ERCC8: variants seen among roughly 807,000 people sequenced by gnomAD.
ERCC8 encodes the protein DNA excision repair protein ERCC-8.
ERCC8 carries 52 observed loss-of-function variants against 54.9 expected under a neutral mutation model. That is an observed-to-expected ratio of 0.95 (90% confidence interval 0.76 to 1.19). The LOEUF (loss-of-function observed/expected upper bound fraction) is 1.19, where lower values mean the gene tolerates loss of function less well. Ranked by LOEUF, ERCC8 falls within the 50% of genes most tolerant of loss-of-function variation. The pLI is 0.00. For missense variants in ERCC8, 514 were observed against 466.1 expected (o/e 1.10, Z -0.95); for synonymous variants, 146 against 157.2 (o/e 0.93, Z 0.53).
At chr5:60,912,942 C>T (rs1293566997) in intron 4 of ERCC8, among the ~76,000 whole-genome samples, 1 of 152,062 alleles carries the variant, frequency 6.6e-6, no homozygotes, top group African/African-American at 2.4e-5. Context: ...GGGATGAAGC[C>T]CACTTGATCA....
At chr5:60,892,183 C>T (rs1748582102) in intron 9 of ERCC8, 1 of 525,352 alleles carries the variant, frequency 1.9e-6, no homozygotes, top group Admixed American at 2.0e-5. Context: ...TAGCCCACCC[C>T]ATCTGATGAC....
chr5:60,938,008 CGTGT>C (rs1182798613), intron 1 of ERCC8, among the ~76,000 whole-genome samples: 2 of 124,058 alleles, frequency 1.6e-5, no homozygotes, highest in African/African-American at 3.1e-5. Flanking sequence ...AATATGTATG[CGTGT>C]GTGTGTGTGT....
intron 7 of ERCC8, 41 bp from the exon 8 acceptor site, chr5:60,899,768 A>G: frequency 7.1e-7 from 1 of 1,412,964 alleles, no homozygotes; most frequent in Non-Finnish European, 1.0e-6. Flanking sequence ...TGTAGCTAGG[A>G]CAATGACTGT....
chr5:60,925,976 A>C (rs1749736939), intron 2 of ERCC8, among the ~76,000 whole-genome samples: 7 of 152,060 alleles, frequency 4.6e-5, no homozygotes, highest in Admixed American at 3.9e-4. Flanking sequence ...GGCACGCGCC[A>C]CTGCACCTGG....
chr5:60,909,471 C>T (rs975691709), intron 4 of ERCC8, among the ~76,000 whole-genome samples: 2 of 152,008 alleles, frequency 1.3e-5, no homozygotes, highest in African/African-American at 2.4e-5. Flanking sequence ...ACACCTTTTG[C>T]TACCCTAGAG....
chr5:60,935,799 C>T (rs1341301462), intron 1 of ERCC8, among the ~76,000 whole-genome samples: 3 of 151,726 alleles, frequency 2.0e-5, no homozygotes, highest in African/African-American at 7.3e-5. Flanking sequence ...AGATAATCAT[C>T]TGATTTTTGT....
intron 9 of ERCC8, chr5:60,893,008 A>G: frequency 1.3e-6 from 1 of 778,610 alleles, no homozygotes; most frequent in Non-Finnish European, 2.4e-6. Flanking sequence ...CTGGCCTTGA[A>G]AGCCACAGTT....
rs2112522829 is a variant in ERCC8, at chr5:60,922,053, C to A, written c.275+1G>T. 6.3e-7 allele frequency: 1 copy of A among 1,588,870 alleles called. No homozygotes were observed. The highest frequency in any genetic ancestry group is 1.1e-5 in the South Asian group (1 of 89,134). ...TAAATTTTTACATTTTAAATACATA[C>A]CTGCCAATGGAACACACTGCTTTAC... On this transcript the variant is annotated splice_donor_variant, in intron 3 of 11. Transcript: ENST00000676185. LOFTEE classifies it high-confidence loss of function.
chr5:60,887,073 A>T (rs1041137354), intron 11 of ERCC8, among the ~76,000 whole-genome samples: 1 of 152,240 alleles, frequency 6.6e-6, no homozygotes, highest in Non-Finnish European at 1.5e-5. Context: ...TATGCATAGG[A>T]AAAAACAGTT....
intron 11 of ERCC8, among the ~76,000 whole-genome samples, chr5:60,877,848 C>T (rs374963068): frequency 1.3e-5 from 2 of 152,148 alleles, no homozygotes; most frequent in African/African-American, 2.4e-5. Flanking sequence ...CTTTTCCTAA[C>T]TGAATACCCT....
chr5:60,886,748 A>AAAAAG (rs879258291), intron 11 of ERCC8, among the ~76,000 whole-genome samples: 1 of 151,440 alleles, frequency 6.6e-6, no homozygotes, highest in African/African-American at 2.4e-5. Context: ...ATAAAAATAG[A>AAAAAG]AAAAGAAAAG....
rs570228059 is a variant in ERCC8, at chr5:60,911,511, A to G, written c.400-6638T>C. ...TATTAGCCCTTTGTCAGATGGGTAG[A>G]TTGCAAAAATTTTCTCCCATTCTGT... On this transcript the variant is annotated intron_variant, in intron 4 of 11. Coordinates refer to ENST00000676185, the MANE Select transcript of ERCC8 (RefSeq NM_000082.4). Among the ~76,000 whole-genome samples, 3 of 151,854 alleles carry G rather than the reference A, an allele frequency of 2.0e-5. No homozygotes were observed. The South Asian group carries it at 6.2e-4, about 31-fold the overall frequency.
Position 60,945,030 on chromosome 5 carries a change from G to T in ERCC8, c.-22C>A. The T allele has an allele frequency of 6.2e-7, 1 of 1,607,528 alleles. No homozygotes were observed. The highest frequency in any genetic ancestry group is 8.5e-7 in the Non-Finnish European group (1 of 1,173,978). On this transcript the variant is annotated 5_prime_UTR_variant, in exon 1 of 12. Coordinates refer to ENST00000676185, the MANE Select transcript of ERCC8 (RefSeq NM_000082.4). ...GCATATCGTGTCCTCACACCGGCTG[G>T]AGCACTGGACGTCGCCATGACAGAG...
At chr5:60,938,068 TATATATATATATATA>T (rs1750132834) in intron 1 of ERCC8, among the ~76,000 whole-genome samples, 3 of 32,794 alleles carry the variant, frequency 9.1e-5, no homozygotes, top group African/African-American at 2.5e-4. Context: ...TATATATATA[TATATATATATATATA>T]TATTTTATTT....
At chr5:60,903,547 A>C in intron 6 of ERCC8, 101 bp downstream of exon 6, 1 of 1,566,384 alleles carries the variant, frequency 6.4e-7, no homozygotes, top group Non-Finnish European at 8.7e-7. Flanking sequence ...AGCACAAAGT[A>C]CATTAGTCAT....
rs774047625 is a variant in ERCC8, at chr5:60,918,264, C to T, written c.399+1G>A. 16 of 1,592,350 alleles carry T rather than the reference C, an allele frequency of 1.0e-5. No homozygotes were observed. The highest frequency in any genetic ancestry group is 1.7e-5 in the Admixed American group (1 of 59,760). ...ATCTGCAAATGTTTTAATGTACTTA[C>T]TTGTAATGTATTTGTATCCCATACT... On this transcript the variant is annotated splice_donor_variant, in intron 4 of 11. Coordinates refer to ENST00000676185, the MANE Select transcript of ERCC8 (RefSeq NM_000082.4). LOFTEE classifies it high-confidence loss of function.
At chr5:60,943,318 C>T (rs1750320039) in intron 1 of ERCC8, among the ~76,000 whole-genome samples, 1 of 152,044 alleles carries the variant, frequency 6.6e-6, no homozygotes, top group South Asian at 2.1e-4. Context: ...TTGTCTTAAA[C>T]GTATAAGCAA....
Position 60,898,172 on chromosome 5 carries a change from G to A in ERCC8, c.843+104C>T, listed in dbSNP as rs1176070219. The A allele has an allele frequency of 5.4e-6, 7 of 1,292,702 alleles. No individual in the cohort carries two copies. The South Asian group carries it at 9.0e-5, about 17-fold the overall frequency. 80.1% of individuals were successfully genotyped at this position (1,292,702 alleles called of 1,614,324 possible). On this transcript the variant is annotated intron_variant, in intron 9 of 11. Coordinates refer to ENST00000676185, the MANE Select transcript of ERCC8 (RefSeq NM_000082.4). ...TAGAAACACATTTTTAAAAACAGCTGTGATTAAAAGGGAATAAATGAGTTA... is the reference window on the plus strand; with the variant it reads ...TAGAAACACATTTTTAAAAACAGCTATGATTAAAAGGGAATAAATGAGTTA...
intron 4 of ERCC8, among the ~76,000 whole-genome samples, chr5:60,906,092 T>C (rs1749061658): frequency 6.6e-6 from 1 of 152,172 alleles, no homozygotes; most frequent in Non-Finnish European, 1.5e-5. Flanking sequence ...TGATGTTATA[T>C]GCAGGAGTAA....
Sources: gnomAD v4.1 joint callset for allele counts (sites outside exome capture counted in the v4.1 genomes callset) on GRCh38, gnomAD v4.1.1 for gene constraint, MANE v1.5 for transcripts, NCBI Gene and HGNC (gene_info 2026-07-23, HGNC 2026-07-21) for gene names.